Variants in FBXL18 observed in about 807,000 individuals in gnomAD.
FBXL18 encodes F-box and leucine rich repeat protein 18.
Under a neutral mutation model 46.0 loss-of-function variants are expected in FBXL18, and 36 were observed. That is an observed-to-expected ratio of 0.78 (90% CI 0.60 to 1.03). The LOEUF (loss-of-function observed/expected upper bound fraction) is 1.03, where lower values mean the gene tolerates loss of function less well. FBXL18 is among the 50% of genes least tolerant of loss of function. FBXL18 has a pLI of 0.00. For synonymous variants in FBXL18, 557 were observed against 465.3 expected (o/e 1.20, Z -2.54); for missense variants, 977 against 1,004.1 (o/e 0.97, Z 0.36).
chr7:5,459,906 C>T (rs918149483), intron 4 of FBXL18, among the ~76,000 whole-genome samples: 3 of 147,830 alleles, frequency 2.0e-5, no homozygotes, highest in Admixed American at 6.9e-5. Flanking sequence ...GAGTGAGACT[C>T]TGTCTCTAAA....
In FBXL18 at chr7:5,476,756, A is replaced by C. The variant is rs1783524673; in HGVS notation, c.*5019T>G. The C allele has an allele frequency of 6.6e-6, 1 of 152,324 alleles. No individual in the cohort carries two copies. The highest frequency in any genetic ancestry group is 2.4e-5 in the African/African-American group (1 of 41,410). 9.4% of individuals were successfully genotyped at this position (152,324 alleles called of 1,614,324 possible). ...AGTGCTGGGATGACAGGCGTGAACC[A>C]CCACGCCCGGCCCCTCCCATGTTTC... On this transcript the variant is annotated 3_prime_UTR_variant, in exon 5 of 5. Coordinates refer to ENST00000382368, the MANE Select transcript of FBXL18 (RefSeq NM_024963.6).
intron 4 of FBXL18, among the ~76,000 whole-genome samples, chr7:5,488,356 A>C (rs1783828630): frequency 6.6e-6 from 1 of 152,236 alleles, no homozygotes; most frequent in Admixed American, 6.5e-5. Context: ...GAGGACCAGA[A>C]GGAAAAGCAG....
chr7:5,487,593 A>T (rs1783807487), intron 4 of FBXL18, among the ~76,000 whole-genome samples: 1 of 152,280 alleles, frequency 6.6e-6, no homozygotes, highest in Admixed American at 6.5e-5. Context: ...TGCTCAGGGC[A>T]GCTCTCGAAG....
chr7:5,500,847 C>G lies in FBXL18; in HGVS notation c.1422G>C (p.Val474=). Residue 474 remains valine, a synonymous_variant, in exon 3 of 5, where the codon GTG becomes GTC. Coordinates refer to ENST00000382368, the MANE Select transcript of FBXL18 (RefSeq NM_024963.6). ...GCAGGTTCTTCAGCAGAGACCAGAA[C>G]ACGGAGGAGGGCTGGGGGCACGCCT... ...SGQACPQPSS[V]FWSLLKNLPF... 6.2e-7 allele frequency: 1 copy of G among 1,609,812 alleles called. No individual in the cohort carries two copies.
chr7:5,513,441 G>T lies in FBXL18; in HGVS notation c.18+216C>A, dbSNP rs562527465. On this transcript the variant is annotated intron_variant, in intron 1 of 4. Coordinates refer to ENST00000382368, the MANE Select transcript of FBXL18 (RefSeq NM_024963.6). The stretch of plus-strand genomic sequence containing the variant: ...GATCAGGAATGCACGAGCGAAGGGG[G>T]AGACAGCTTGTGCCTTCCGAGACAG... Among the ~76,000 whole-genome samples the T allele has an allele frequency of 7.9e-5, 12 of 152,284 alleles. 1 individual carries two copies. The South Asian group carries it at 2.5e-3, about 32-fold the overall frequency.
At chr7:5,456,382 G>C (rs563348293) in intron 4 of FBXL18, among the ~76,000 whole-genome samples, 82 of 152,326 alleles carry the variant, frequency 5.4e-4, no homozygotes, top group African/African-American at 2.0e-3. Flanking sequence ...GACAAACCAA[G>C]GGGGATCTCA....
intron 4 of FBXL18, among the ~76,000 whole-genome samples, chr7:5,463,885 C>T (rs1238779905): frequency 2.0e-5 from 3 of 151,130 alleles, no homozygotes; most frequent in Non-Finnish European, 3.0e-5. Flanking sequence ...GGATTACAGG[C>T]GTGCGCCACC....
intron 1 of FBXL18, among the ~76,000 whole-genome samples, chr7:5,511,226 GGAGATC>G (rs1784522688): frequency 6.6e-6 from 1 of 151,792 alleles, no homozygotes; most frequent in African/African-American, 2.4e-5. Flanking sequence ...TATGAAGTCA[GGAGATC>G]GAGACCATCC....
In FBXL18 at chr7:5,455,277, G is replaced by A. The variant is rs1274180898; in HGVS notation, c.2001-7434C>T. On this transcript the variant is annotated intron_variant and NMD_transcript_variant, in intron 4 of 6. Transcript: ENST00000415009. The surrounding 1 kb of genome is among the most constrained non-coding windows in gnomAD (Gnocchi z 4.6). ...ACATATCTGGGGAGCAGTATCGGGAGCACCTGCAGGGAGTATTCTCGGGCA... is the reference window on the plus strand; with the variant it reads ...ACATATCTGGGGAGCAGTATCGGGAACACCTGCAGGGAGTATTCTCGGGCA... Among the ~76,000 whole-genome samples the A allele has an allele frequency of 2.6e-5, 4 of 151,988 alleles. No individual in the cohort carries two copies. The highest frequency in any genetic ancestry group is 2.6e-4 in the Admixed American group (4 of 15,256).
intron 1 of FBXL18, among the ~76,000 whole-genome samples, chr7:5,508,284 A>G (rs1317438374): frequency 6.6e-6 from 1 of 150,856 alleles, no homozygotes; most frequent in Non-Finnish European, 1.5e-5. Context: ...AAAAGAAAGA[A>G]AAAAATACAA....
At chr7:5,463,728 A>ATTTATTTATTTT (rs1562672288) in intron 4 of FBXL18, among the ~76,000 whole-genome samples, 86 of 53,004 alleles carry the variant, frequency 1.6e-3, no homozygotes, top group Middle Eastern at 9.8e-3. Context: ...TTATTTATTT[A>ATTTATTTATTTT]TTTTTTTTTT....
chr7:5,494,784 G>A (rs1437758375), intron 3 of FBXL18, among the ~76,000 whole-genome samples: 1 of 152,220 alleles, frequency 6.6e-6, no homozygotes, highest in Non-Finnish European at 1.5e-5. Flanking sequence ...GTGCCGTCGT[G>A]TGGTCACTAG....
chr7:5,512,691 C>G (rs1402991597), intron 1 of FBXL18, among the ~76,000 whole-genome samples: 2 of 152,196 alleles, frequency 1.3e-5, no homozygotes, highest in African/African-American at 2.4e-5. Context: ...CCCTTCTTCC[C>G]TGACCCCAAG....
intron 3 of FBXL18, among the ~76,000 whole-genome samples, chr7:5,493,420 C>T (rs1299037911): frequency 1.3e-5 from 2 of 151,994 alleles, no homozygotes; most frequent in South Asian, 2.1e-4. Context: ...CTCAGCCTCC[C>T]GAGTAGCTGG....
chr7:5,465,863 T>A lies in FBXL18; in HGVS notation c.2001-18020A>T, dbSNP rs893545641. ...AATGGAGTCTTAGTCTGTCGCCCAG[T>A]CTGGAGTGCAGGGGCACAATCTCAG... On this transcript the variant is annotated intron_variant and NMD_transcript_variant, in intron 4 of 6. Transcript: ENST00000415009. Among the ~76,000 whole-genome samples, 80 of 150,678 alleles carry A rather than the reference T, an allele frequency of 5.3e-4. 1 individual carries two copies. The highest frequency in any genetic ancestry group is 1.7e-3 in the African/African-American group (70 of 40,954).
chr7:5,511,601 G>A (rs1372684851), intron 1 of FBXL18, among the ~76,000 whole-genome samples: 1 of 146,142 alleles, frequency 6.8e-6, no homozygotes, highest in Non-Finnish European at 1.5e-5. Context: ...GTGAAACTCC[G>A]TCTCAAAAAA....
chr7:5,490,321 G>T, intron 4 of FBXL18: 1 of 1,132,686 alleles, frequency 8.8e-7, no homozygotes, highest in South Asian at 1.9e-5. Context: ...GTCCTCCTGA[G>T]AGGTCTTGAA....
chr7:5,463,588 C>T (rs776119076), intron 4 of FBXL18, among the ~76,000 whole-genome samples: 1 of 150,944 alleles, frequency 6.6e-6, no homozygotes, highest in Non-Finnish European at 1.5e-5. Flanking sequence ...CACGGCACTC[C>T]CTCCTGGGTG....
intron 4 of FBXL18, among the ~76,000 whole-genome samples, chr7:5,457,752 GGGA>G (rs1208376500): frequency 1.3e-5 from 2 of 152,240 alleles, no homozygotes; most frequent in African/African-American, 2.4e-5. Flanking sequence ...GTGTTTTGGA[GGGA>G]GGAGGTGGCT....
Sources: gnomAD v4.1 joint callset for allele counts (sites outside exome capture counted in the v4.1 genomes callset) on GRCh38, gnomAD v4.1.1 for gene constraint, Gnocchi (gnomAD v3.1) non-coding constraint, MANE v1.5 for transcripts, NCBI Gene and HGNC (gene_info 2026-07-23, HGNC 2026-07-21) for gene names.